Variants in CSTPP1 observed in about 807,000 individuals in gnomAD.
CSTPP1 encodes the protein centriolar satellite-associated tubulin polyglutamylase complex regulator 1.
At chr11:47,146,214 AATTAGCCGGGC>A in the CSTPP1 span, among the ~76,000 whole-genome samples, 1 of 152,166 alleles carries the variant, frequency 6.6e-6, no homozygotes, top group South Asian at 2.1e-4. Flanking sequence ...AATACAAAAA[AATTAGCCGGGC>A]ATGGTGGCGG....
chr11:46,950,105 T>C, the CSTPP1 span, among the ~76,000 whole-genome samples: 1 of 152,210 alleles, frequency 6.6e-6, no homozygotes, highest in Non-Finnish European at 1.5e-5. Flanking sequence ...GTTAGTAGTA[T>C]TTGGGTAACT....
At chr11:47,040,812 T>G in the CSTPP1 span, among the ~76,000 whole-genome samples, 1 of 127,024 alleles carries the variant, frequency 7.9e-6, no homozygotes, top group Admixed American at 8.5e-5. Flanking sequence ...CTCAGAACTC[T>G]GAACACACAT....
At chr11:47,096,542 A>G in the CSTPP1 span, among the ~76,000 whole-genome samples, 1 of 152,246 alleles carries the variant, frequency 6.6e-6, no homozygotes, top group Non-Finnish European at 1.5e-5. Flanking sequence ...TGACAAGTCA[A>G]GGTCACATTC....
At chr11:47,162,700 C>T in the CSTPP1 span, among the ~76,000 whole-genome samples, 16 of 152,192 alleles carry the variant, frequency 1.1e-4, no homozygotes, top group Non-Finnish European at 2.1e-4. Context: ...GCTGAAGGGG[C>T]GGGGTCCCCC....
chr11:47,076,207 A>T, the CSTPP1 span, among the ~76,000 whole-genome samples: 4 of 152,176 alleles, frequency 2.6e-5, no homozygotes. Flanking sequence ...TATCTGCTAA[A>T]TGTTGACATT....
chr11:47,126,600 T>G, the CSTPP1 span, among the ~76,000 whole-genome samples: 4 of 152,272 alleles, frequency 2.6e-5, no homozygotes, highest in South Asian at 8.3e-4. Context: ...ACCACTGCAC[T>G]CCAGCCTGGG....
At chr11:47,017,284 C>T in the CSTPP1 span, among the ~76,000 whole-genome samples, 1 of 151,296 alleles carries the variant, frequency 6.6e-6, no homozygotes, top group Non-Finnish European at 1.5e-5. Flanking sequence ...AAGCGGTTCT[C>T]CCACCTCAAT....
chr11:47,118,960 G>A, the CSTPP1 span, among the ~76,000 whole-genome samples: 37 of 152,354 alleles, frequency 2.4e-4, no homozygotes, highest in African/African-American at 6.3e-4. Flanking sequence ...GAGCTCAAAC[G>A]CTGTGCTGGG....
the CSTPP1 span, among the ~76,000 whole-genome samples, chr11:46,939,427 T>C: frequency 1.2e-4 from 18 of 152,080 alleles, no homozygotes; most frequent in African/African-American, 4.3e-4. Flanking sequence ...GGTTTACATT[T>C]TGTTTAACTT....
chr11:47,085,251 A>C, the CSTPP1 span, among the ~76,000 whole-genome samples: 1 of 152,106 alleles, frequency 6.6e-6, no homozygotes, highest in Non-Finnish European at 1.5e-5. Flanking sequence ...TTGAACCCCA[A>C]GCTCACTTTT....
the CSTPP1 span, chr11:47,123,413 A>G: frequency 2.6e-5 from 4 of 152,200 alleles, no homozygotes; most frequent in African/African-American, 4.8e-5. Flanking sequence ...TCAAAATTTA[A>G]AAAGTACACT....
At chr11:47,157,307 C>A in the CSTPP1 span, 1 of 1,392,752 alleles carries the variant, frequency 7.2e-7, no homozygotes, top group Non-Finnish European at 9.6e-7. Flanking sequence ...ATGTTCTGCG[C>A]GGCCCAGGCA....
chr11:47,038,620 CG>C, the CSTPP1 span, among the ~76,000 whole-genome samples: 2 of 112,846 alleles, frequency 1.8e-5, no homozygotes, highest in Admixed American at 9.2e-5. Flanking sequence ...GGAGGCTGGC[CG>C]GGCGGGGGTC....
chr11:46,952,789 T>A, the CSTPP1 span, among the ~76,000 whole-genome samples: 18 of 152,348 alleles, frequency 1.2e-4, no homozygotes, highest in Admixed American at 3.9e-4. Flanking sequence ...TATACTCTAG[T>A]GAGTCGTTCA....
At chr11:47,010,950 A>C in the CSTPP1 span, among the ~76,000 whole-genome samples, 6 of 152,190 alleles carry the variant, frequency 3.9e-5, no homozygotes, top group Admixed American at 3.9e-4. Flanking sequence ...TCTTGGAAGG[A>C]CATCTAATAA....
the CSTPP1 span, among the ~76,000 whole-genome samples, chr11:47,027,955 G>T: frequency 3.5e-5 from 4 of 114,210 alleles, no homozygotes; most frequent in African/African-American, 3.5e-5. Context: ...ACGGAGTCTT[G>T]CTCTGTTGCC....
the CSTPP1 span, among the ~76,000 whole-genome samples, chr11:46,938,253 T>G: frequency 1.3e-5 from 2 of 151,658 alleles, no homozygotes; most frequent in Non-Finnish European, 2.9e-5. Context: ...ACTCACAGTT[T>G]CCGCTATTAT....
the CSTPP1 span, among the ~76,000 whole-genome samples, chr11:47,034,153 C>T: frequency 6.6e-6 from 1 of 151,842 alleles, no homozygotes; most frequent in Non-Finnish European, 1.5e-5. Context: ...AGTCCATTAC[C>T]AGCAAGGTAC....
chr11:47,101,177 T>TTTTTTTTTTTTTTTTTG, the CSTPP1 span, among the ~76,000 whole-genome samples: 1 of 91,888 alleles, frequency 1.1e-5, no homozygotes, highest in Non-Finnish European at 2.4e-5. Flanking sequence ...TTTTTTTTTT[T>TTTTTTTTTTTTTTTTTG]TTTTTTTTTT....
Sources: allele counts gnomAD v4.1 joint callset (sites outside exome capture counted in the v4.1 genomes callset), GRCh38; gene constraint gnomAD v4.1.1; transcripts MANE v1.5; gene names NCBI Gene and HGNC (gene_info 2026-07-23, HGNC 2026-07-21).